Variants in DMD observed in about 807,000 individuals in gnomAD.
DMD encodes dystrophin.
In DMD, 63 loss-of-function variants were observed where a neutral mutation model predicts 330.1. The observed-to-expected ratio is 0.19, with a 90% CI of 0.16 to 0.24. The LOEUF is 0.24. Ranked by LOEUF, DMD falls within the 10% of genes least tolerant of loss-of-function variation. DMD has a pLI of 1.00. For missense variants in DMD, 3,344 were observed against 2,684.1 expected, an observed-to-expected ratio of 1.25 and a Z score of -5.43; for synonymous variants, 1,223 against 959.8, an observed-to-expected ratio of 1.27 and a Z score of -5.07.
rs55768943 is a variant in DMD at position 31,709,584 on chromosome X, C to CTGTGTG, written c.7660+20041_7660+20046dup. ...TCTCTCTCTCTCTCTCTCTCTCTGT[C>CTGTGTG]TGTGTGTGTGTGTGTGTGTGTGTGT... On this transcript the variant is annotated intron_variant, in intron 52 of 78. Coordinates refer to ENST00000357033, the MANE Select transcript of DMD (RefSeq NM_004006.3). 4.0e-3 allele frequency among the ~76,000 whole-genome samples: 372 copies of CTGTGTG among 94,042 alleles called. 1 individual carries two copies. Among genetic ancestry groups the CTGTGTG allele is most frequent in the Admixed American group, 7.3e-3 (61 of 8,389 alleles). 81.7% of individuals were successfully genotyped at this position (94,042 alleles called of 115,157 possible). A position where few individuals can be genotyped will look rare whatever the true frequency, so the allele number is the denominator to read the frequency against.
At chrX:31,174,819 A>T (rs1009301628) in intron 71 of DMD, among the ~76,000 whole-genome samples, 4 of 112,162 alleles carry the variant, frequency 3.6e-5, no homozygotes, top group African/African-American at 1.3e-4. Context: ...TAATTACGAC[A>T]CACTATAGCA....
At chrX:32,823,183 G>A (rs2078416390) in intron 5 of DMD, 112 bp downstream of exon 5, 2 of 607,109 alleles carry the variant, frequency 3.3e-6, no homozygotes, top group African/African-American at 2.2e-5. Context: ...GCAGCACTAT[G>A]GAGCAGGGTT....
chrX:31,196,910 T>A (rs1194075745), intron 67 of DMD, among the ~76,000 whole-genome samples: 1 of 102,331 alleles, frequency 9.8e-6, no homozygotes, highest in Non-Finnish European at 2.0e-5. Context: ...CAGCCAAAAG[T>A]CTCCTGATAT....
At chrX:33,051,553 T>G (rs1303294313) in intron 1 of DMD, among the ~76,000 whole-genome samples, 1 of 109,968 alleles carries the variant, frequency 9.1e-6, no homozygotes, top group East Asian at 2.8e-4. Context: ...TTAGTTTTAC[T>G]TAATGATTGT....
intron 1 of DMD, among the ~76,000 whole-genome samples, chrX:33,188,965 C>A (rs1164851308): frequency 9.0e-6 from 1 of 111,610 alleles, no homozygotes; most frequent in Non-Finnish European, 1.9e-5. Flanking sequence ...CTGATTATAC[C>A]TAGCCTTTAC....
chrX:32,613,452 C>T (rs1386603850), intron 12 of DMD, among the ~76,000 whole-genome samples: 1 of 110,439 alleles, frequency 9.1e-6, no homozygotes, highest in East Asian at 2.8e-4. Flanking sequence ...AAAAAAAATG[C>T]TTTCTGGCAG....
intron 52 of DMD, among the ~76,000 whole-genome samples, chrX:31,695,364 C>T (rs2083391064): frequency 9.1e-6 from 1 of 110,000 alleles, no homozygotes; most frequent in Non-Finnish European, 1.9e-5. Flanking sequence ...TTTGATAGTG[C>T]AACAGGGGGA....
intron 1 of DMD, among the ~76,000 whole-genome samples, chrX:33,080,673 C>CCAGG (rs1344734899): frequency 9.0e-6 from 1 of 111,068 alleles, no homozygotes; most frequent in East Asian, 2.8e-4. Context: ...CCACGTGTCC[C>CCAGG]CAGGCCTCAT....
chrX:32,642,359 C>T (rs2059522911), intron 11 of DMD, among the ~76,000 whole-genome samples: 1 of 112,213 alleles, frequency 8.9e-6, no homozygotes, highest in African/African-American at 3.2e-5. Context: ...GCTCTCCTTG[C>T]CTTCTTAATA....
intron 77 of DMD, among the ~76,000 whole-genome samples, chrX:31,128,941 G>A (rs1416041286): frequency 8.9e-6 from 1 of 112,102 alleles, no homozygotes; most frequent in Non-Finnish European, 1.9e-5. Flanking sequence ...GTTCTTGACC[G>A]ATAAATAAAG....
intron 7 of DMD, among the ~76,000 whole-genome samples, chrX:32,757,190 A>G (rs1017751860): frequency 9.0e-5 from 10 of 111,548 alleles, no homozygotes; most frequent in Non-Finnish European, 7.5e-5. Context: ...TTTAAAGTCT[A>G]TTCTTTTTGA....
intron 2 of DMD, among the ~76,000 whole-genome samples, chrX:32,857,866 C>G: frequency 1.8e-5 from 2 of 111,223 alleles, no homozygotes; most frequent in South Asian, 7.7e-4. Context: ...CTTTGTGGGC[C>G]AAACTTAAAT....
intron 44 of DMD, among the ~76,000 whole-genome samples, chrX:31,980,637 A>T (rs1417140004): frequency 9.0e-6 from 1 of 111,519 alleles, no homozygotes; most frequent in Non-Finnish European, 1.9e-5. Flanking sequence ...TTGAGCATTT[A>T]ATATCTTTAC....
At chrX:31,170,255 C>A (rs897914018) in intron 73 of DMD, among the ~76,000 whole-genome samples, 3 of 111,425 alleles carry the variant, frequency 2.7e-5, no homozygotes, top group Non-Finnish European at 5.7e-5. Context: ...ACATCTCATT[C>A]CTCGGGGCAG....
intron 29 of DMD, among the ~76,000 whole-genome samples, chrX:32,428,128 T>G (rs1318459104): frequency 9.0e-6 from 1 of 111,394 alleles, no homozygotes; most frequent in Admixed American, 9.6e-5. Context: ...TACTTTTCCC[T>G]ATTTTCTTGA....
chrX:32,485,733 G>GTTTTTTTTT (rs2042374995), intron 20 of DMD, among the ~76,000 whole-genome samples: 2 of 28,959 alleles, frequency 6.9e-5, no homozygotes, highest in South Asian at 2.8e-3. Context: ...GGCAACCACT[G>GTTTTTTTTT]CTTTTTTTTT....
chrX:31,928,545 G>T (rs1447846408), intron 47 of DMD, among the ~76,000 whole-genome samples: 2 of 110,006 alleles, frequency 1.8e-5, no homozygotes, highest in Non-Finnish European at 3.8e-5. Flanking sequence ...GGCGGAAGTT[G>T]CAGTGAGCCG....
At chrX:31,777,860 A>G (rs917772045) in intron 50 of DMD, among the ~76,000 whole-genome samples, 1 of 111,410 alleles carries the variant, frequency 9.0e-6, no homozygotes, top group South Asian at 3.8e-4. Flanking sequence ...TTCTCACACA[A>G]TGGTTATTGG....
At chrX:32,764,018 A>G (rs2072656226) in intron 7 of DMD, among the ~76,000 whole-genome samples, 1 of 111,620 alleles carries the variant, frequency 9.0e-6, no homozygotes, top group Non-Finnish European at 1.9e-5. Context: ...GAAAATCTTT[A>G]AAATGAATAA....
Sources: allele counts gnomAD v4.1 joint callset (sites outside exome capture counted in the v4.1 genomes callset), GRCh38; gene constraint gnomAD v4.1.1; transcripts MANE v1.5; gene names NCBI Gene and HGNC (gene_info 2026-07-23, HGNC 2026-07-21).